The following MMEL1 variants were observed in gnomAD, a reference collection of about 807,000 sequenced individuals.
MMEL1 encodes the protein membrane metallo-endopeptidase-like 1.
Under a neutral mutation model 117.1 loss-of-function variants are expected in MMEL1, and 98 were observed. The ratio of observed to expected loss-of-function variants is 0.84; its 90% CI spans 0.71 to 0.99. The LOEUF (loss-of-function observed/expected upper bound fraction) is 0.99, where lower values mean the gene tolerates loss of function less well. MMEL1 is among the 50% of genes least tolerant of loss of function. The probability of loss-of-function intolerance (pLI) is 0.00; values close to 1 mark genes in which losing one functional copy is unlikely to be tolerated. For synonymous variants in MMEL1, 390 were observed against 415.1 expected, an observed-to-expected ratio of 0.94 and a Z score of 0.74; for missense variants, 1,014 against 1,049.1, an observed-to-expected ratio of 0.97 and a Z score of 0.46.
At chr1:2,626,150 T>C (rs1018887585) in intron 2 of MMEL1, among the ~76,000 whole-genome samples, 1 of 152,228 alleles carries the variant, frequency 6.6e-6, no homozygotes, top group Non-Finnish European at 1.5e-5. Context: ...GATGCGATTA[T>C]GTACCGATTC....
intron 2 of MMEL1, among the ~76,000 whole-genome samples, chr1:2,625,270 G>A (rs1553146256): frequency 0.4 from 60,888 of 152,040 alleles, 12,976 homozygotes; most frequent in African/African-American, 0.53. Context: ...GAGACAAGGT[G>A]TCTCGGGCCT....
chr1:2,612,158 C>T lies in MMEL1; in HGVS notation c.201G>A (p.Glu67=). ...GTTTTCGTTTTACAAAGGTCCTCTC[C>T]TCCTGTAAGAAGCACAGCCGGCTAG... ...RLASRLCFLQ[E]ERTFVKRKPR... The change falls in exon 3 of 24, where the codon GAG becomes GAA. Residue 67 remains glutamate, a synonymous_variant. Coordinates refer to ENST00000378412, the MANE Select transcript of MMEL1 (RefSeq NM_033467.4). This position sits in a 1 kb window ranked among gnomAD's most constrained non-coding sequence, Gnocchi z 5.4. The T allele has an allele frequency of 6.3e-7, 1 of 1,582,870 alleles. No individual in the cohort carries two copies.
intron 20 of MMEL1, 34 bp downstream of exon 20, chr1:2,592,799 C>A (rs1344687973): frequency 9.3e-6 from 15 of 1,612,012 alleles, no homozygotes; most frequent in African/African-American, 1.3e-5. Flanking sequence ...GGCTCCGGTA[C>A]CCCCGCAGCC....
At chr1:2,607,221 C>T in intron 6 of MMEL1, 152 bp from the exon 7 acceptor site, 1 of 644,118 alleles carries the variant, frequency 1.6e-6, no homozygotes. Context: ...TGGGCCTTTA[C>T]ACCTGCACCC....
At chr1:2,614,411 A>G (rs1450845931) in intron 2 of MMEL1, among the ~76,000 whole-genome samples, 2 of 152,200 alleles carry the variant, frequency 1.3e-5, no homozygotes, top group East Asian at 1.9e-4. Context: ...ACCACTGCAC[A>G]TGTACATTGG....
chr1:2,608,921 ACACG>A (rs1645078350), intron 6 of MMEL1, among the ~76,000 whole-genome samples: 1 of 152,176 alleles, frequency 6.6e-6, no homozygotes, highest in Non-Finnish European at 1.5e-5. Flanking sequence ...ATATACACAT[ACACG>A]TATACACATA....
At position 2,595,273 on chromosome 1, in the gene MMEL1, C is replaced by A; in HGVS notation, c.1584+3G>T. 6.2e-7 allele frequency: 1 copy of A among 1,613,204 alleles called. No individual in the cohort carries two copies. The highest frequency in any genetic ancestry group is 8.5e-7 in the Non-Finnish European group (1 of 1,179,724). On this transcript the variant is annotated splice_donor_region_variant and intron_variant, in intron 16 of 23. Transcript: ENST00000378412. The surrounding 1 kb of genome is among the most constrained non-coding windows in gnomAD (Gnocchi z 4.8). ...CAGTTTAGGGCTGGGGTTGGGGGCGCACATTGGAGTACTCCTCGTCCAGGC... is the reference window on the plus strand; with the variant it reads ...CAGTTTAGGGCTGGGGTTGGGGGCGAACATTGGAGTACTCCTCGTCCAGGC...
chr1:2,592,657 T>C lies in MMEL1; in HGVS notation c.2065A>G (p.Lys689Glu). Residue 689 changes from lysine (K) to glutamate (E), a missense_variant and splice_region_variant, in exon 21 of 24, where the codon AAG becomes GAG. Coordinates refer to ENST00000378412, the MANE Select transcript of MMEL1 (RefSeq NM_033467.4). ...ADNGGVRQAYKAYLKWMAEGG... is the reference protein window; with the variant it reads ...ADNGGVRQAYEAYLKWMAEGG... ...CCCCCTCCCCTGCCAGGCCCCACCT[T>C]ATAGGCTTGCCGCACCCCTCCGTTG... 2 of 1,565,738 alleles carry C rather than the reference T, an allele frequency of 1.3e-6. No individual in the cohort carries two copies. The highest frequency in any genetic ancestry group is 1.7e-6 in the Non-Finnish European group (2 of 1,153,644).
At chr1:2,616,120 G>A (rs1449989583) in intron 2 of MMEL1, among the ~76,000 whole-genome samples, 3 of 152,142 alleles carry the variant, frequency 2.0e-5, no homozygotes, top group African/African-American at 7.2e-5. Context: ...TGGATTGCTT[G>A]AGTCCAGGAG....
intron 2 of MMEL1, among the ~76,000 whole-genome samples, chr1:2,625,663 C>T (rs577773396): frequency 1.3e-5 from 2 of 152,322 alleles, no homozygotes; most frequent in African/African-American, 4.8e-5. Flanking sequence ...CGTTTGACTA[C>T]GGATCACCAA....
rs199706451 is a variant in MMEL1, at chr1:2,604,209, C to G, written c.889G>C (p.Asp297His). 1.2e-4 allele frequency: 199 copies of G among 1,610,624 alleles called. 1 individual carries two copies. The Admixed American group carries it at 2.0e-3, about 16-fold the overall frequency. ...LLREDANLPR[D>H]SCLVQEDMVQ... is the part of the protein sequence containing the mutation. Reference sequence around the variant, plus strand: ...ATGTCCTCCTGCACCAGGCAGCTGTCCCTGGGCAGGTTTGCATCCTCCCGC... The same window carrying G: ...ATGTCCTCCTGCACCAGGCAGCTGTGCCTGGGCAGGTTTGCATCCTCCCGC... Residue 297 changes from aspartate to histidine, a missense_variant, in exon 10 of 24, where the codon GAC (aspartate) becomes CAC (histidine). By Grantham distance (81) the Asp-to-His change is moderately conservative. Transcript: ENST00000378412.
intron 2 of MMEL1, among the ~76,000 whole-genome samples, chr1:2,620,423 C>T (rs573877794): frequency 6.0e-4 from 92 of 152,266 alleles, no homozygotes; most frequent in African/African-American, 2.2e-3. Context: ...AAGCAGGGCT[C>T]CCCAAACTTG....
At chr1:2,604,504 G>T (rs983802183) in intron 9 of MMEL1, among the ~76,000 whole-genome samples, 1 of 152,216 alleles carries the variant, frequency 6.6e-6, no homozygotes, top group Non-Finnish European at 1.5e-5. Flanking sequence ...CTGCAGGGCT[G>T]CTCAGGGCTT....
At position 2,604,158 on chromosome 1, in the gene MMEL1, G is replaced by C; in HGVS notation, c.940C>G (p.Gln314Glu). ...DMVQVLELET[Q>E]LAKATVPQEE... ...CCCGGCCCCCTTACCTTGGCCAGCT[G>C]TGTCTCCAGCTCCAGCACCTGCACC... Residue 314 changes from glutamine to glutamate, a missense_variant, in exon 10 of 24, where the codon CAG becomes GAG. By Grantham distance (29) the Gln-to-Glu change is conservative. Coordinates refer to ENST00000378412, the MANE Select transcript of MMEL1 (RefSeq NM_033467.4). 6.2e-7 allele frequency: 1 copy of C among 1,605,724 alleles called. No individual in the cohort carries two copies.
chr1:2,606,908 C>G, intron 7 of MMEL1, 66 bp downstream of exon 7: 1 of 1,456,768 alleles, frequency 6.9e-7, no homozygotes, highest in Non-Finnish European at 9.5e-7. Flanking sequence ...AGGCCTCAGA[C>G]CGAAGGAGCC....
chr1:2,629,574 C>A, intron 1 of MMEL1, 53 bp from the exon 2 acceptor site: 2 of 1,361,130 alleles, frequency 1.5e-6, no homozygotes, highest in Non-Finnish European at 9.5e-7. Context: ...TCCCCGAGCC[C>A]GGCCCGAGGC....
At chr1:2,615,006 G>T (rs1289527756) in intron 2 of MMEL1, among the ~76,000 whole-genome samples, 1 of 152,084 alleles carries the variant, frequency 6.6e-6, no homozygotes, top group African/African-American at 2.4e-5. Flanking sequence ...TTTGAGCAAT[G>T]CAATATAGCA....
At chr1:2,593,765 T>G (rs776043449) in intron 19 of MMEL1, 49 bp downstream of exon 19, 205 of 1,520,292 alleles carry the variant, frequency 1.3e-4, no homozygotes, top group Middle Eastern at 1.8e-4. Context: ...CCTGGCTGCT[T>G]CTCCGCGGAG....
Position 2,629,387 on chromosome 1 carries a change from AG to A in MMEL1, c.97del (p.Leu33CysfsTer4). 1 of 1,545,728 alleles carries A rather than the reference AG, an allele frequency of 6.5e-7. No individual in the cohort carries two copies. The part of the protein sequence containing the change: ...GFLEGGLLLL[L>X]LLVTAALVAL... Reference sequence around the variant, plus strand: ...CACCAGGGCAGCGGTCACCAGCAGCAGCAGCAGCAGCAGCCCCCCCTCCAGG... The same window carrying A: ...CACCAGGGCAGCGGTCACCAGCAGCACAGCAGCAGCAGCCCCCCCTCCAGG... On this transcript the variant is annotated frameshift_variant, in exon 2 of 24. Coordinates refer to ENST00000378412, the MANE Select transcript of MMEL1 (RefSeq NM_033467.4). LOFTEE classifies it high-confidence loss of function.
Sources: gnomAD v4.1 joint callset for allele counts (sites outside exome capture counted in the v4.1 genomes callset) on GRCh38, gnomAD v4.1.1 for gene constraint, Gnocchi (gnomAD v3.1) non-coding constraint, MANE v1.5 for transcripts, NCBI Gene and HGNC (gene_info 2026-07-23, HGNC 2026-07-21) for gene names.